Variants in SETD2 observed in about 807,000 individuals in gnomAD.
SETD2 encodes the protein histone-lysine N-methyltransferase SETD2.
A neutral mutation model predicts 242.1 loss-of-function variants in SETD2; 31 were observed. That is an observed-to-expected ratio of 0.13 (90% CI 0.10 to 0.17). SETD2 has a LOEUF of 0.17. Among genes scored for constraint, SETD2 ranks in the 10% least tolerant of loss-of-function variants. The pLI, the probability that SETD2 is intolerant of heterozygous loss-of-function variation, is 1.00. For synonymous variants in SETD2, 1,006 were observed against 1,066.5 expected (o/e 0.94, Z 1.11); for missense variants, 2,481 against 3,046.3 (o/e 0.81, Z 4.37).
At chr3:47,075,139 A>G (rs2107619265) in intron 12 of SETD2, among the ~76,000 whole-genome samples, 1 of 151,916 alleles carries the variant, frequency 6.6e-6, no homozygotes, top group East Asian at 1.9e-4. Flanking sequence ...GTCTCTTAAA[A>G]AAAAAAAAAA....
chr3:47,154,593 G>A (rs953810679), intron 1 of SETD2, among the ~76,000 whole-genome samples: 2 of 152,154 alleles, frequency 1.3e-5, no homozygotes, highest in Non-Finnish European at 2.9e-5. Flanking sequence ...ATTTGGAGAG[G>A]TGGAGCAGAG....
At chr3:47,086,350 T>G in intron 10 of SETD2, 36 bp from the exon 11 acceptor site, 1 of 1,603,362 alleles carries the variant, frequency 6.2e-7, no homozygotes, top group Non-Finnish European at 8.5e-7. Context: ...TGCAGAGCAT[T>G]GGGAGGCAAT....
intron 1 of SETD2, among the ~76,000 whole-genome samples, chr3:47,152,436 G>T (rs1258276210): frequency 2.0e-5 from 3 of 152,114 alleles, no homozygotes; most frequent in African/African-American, 7.2e-5. Context: ...CAGAATAAAT[G>T]GATTTCTATA....
At chr3:47,020,056 G>GT (rs1319799635) in intron 18 of SETD2, among the ~76,000 whole-genome samples, 1 of 152,052 alleles carries the variant, frequency 6.6e-6, no homozygotes, top group Non-Finnish European at 1.5e-5. Context: ...CTTCTTATAA[G>GT]TTAAGTTCCA....
intron 15 of SETD2, among the ~76,000 whole-genome samples, chr3:47,049,179 A>G (rs910138241): frequency 6.6e-6 from 1 of 151,154 alleles, no homozygotes; most frequent in African/African-American, 2.4e-5. Context: ...CTTGTGTTTG[A>G]GTGATTCTCC....
chr3:47,095,985 G>T (rs2041990659), intron 9 of SETD2, among the ~76,000 whole-genome samples: 2 of 151,656 alleles, frequency 1.3e-5, no homozygotes, highest in African/African-American at 4.8e-5. Context: ...TGCACTCCTG[G>T]GCTCAAGCTA....
chr3:47,017,513 G>T lies in SETD2; in HGVS notation c.7533+125C>A. On this transcript the variant is annotated intron_variant, in intron 20 of 20. Transcript: ENST00000409792. The surrounding 1 kb of genome is among the most constrained non-coding windows in gnomAD (Gnocchi z 4.8). ...CCCCAAACCTTCCCTCCCCGTTCCT[G>T]GGTCCCCAGCTCTGACATCTGACAA... The T allele has an allele frequency of 1.3e-6, 1 of 776,032 alleles. No homozygotes were observed. Among genetic ancestry groups the T allele is most frequent in the Admixed American group, 2.5e-5 (1 of 39,242 alleles). 48.1% of individuals were successfully genotyped at this position (776,032 alleles called of 1,614,324 possible).
At chr3:47,156,719 C>A (rs934561359) in intron 1 of SETD2, among the ~76,000 whole-genome samples, 1 of 152,236 alleles carries the variant, frequency 6.6e-6, no homozygotes, top group Middle Eastern at 3.4e-3. Flanking sequence ...TCTCTCTCAT[C>A]AGAAAAATGG....
At chr3:47,132,033 C>A (rs1310364128) in intron 1 of SETD2, among the ~76,000 whole-genome samples, 2 of 152,086 alleles carry the variant, frequency 1.3e-5, no homozygotes, top group Non-Finnish European at 2.9e-5. Flanking sequence ...ACCTCAGCCT[C>A]CCAAAGTGCT....
At position 47,094,433 on chromosome 3, in the gene SETD2, C is replaced by T. The variant is rs190391967; in HGVS notation, c.5142+3522G>A. 3.3e-5 allele frequency among the ~76,000 whole-genome samples: 5 copies of T among 152,364 alleles called. No homozygotes were observed. The East Asian group carries it at 9.6e-4, about 29-fold the overall frequency. On this transcript the variant is annotated intron_variant, in intron 9 of 20. Coordinates refer to ENST00000409792, the MANE Select transcript of SETD2 (RefSeq NM_014159.7). ...TGGATTATAGTGCAATCATTATTAACATCTTCTTGTCAACAGTTTATACAT... is the reference window on the plus strand; with the variant it reads ...TGGATTATAGTGCAATCATTATTAATATCTTCTTGTCAACAGTTTATACAT...
chr3:47,095,739 T>A (rs1319507744), intron 9 of SETD2, among the ~76,000 whole-genome samples: 13 of 140,910 alleles, frequency 9.2e-5, no homozygotes, highest in African/African-American at 3.4e-4. Context: ...AATATGTCAA[T>A]AAACTGTTAC....
chr3:47,163,830 G>T, intron 1 of SETD2, 24 bp downstream of exon 1: 1 of 1,269,122 alleles, frequency 7.9e-7, no homozygotes, highest in Non-Finnish European at 1.0e-6. Context: ...GACAGCAGCG[G>T]GGGGCCGCGG....
chr3:47,025,902 C>T (rs2038453954), intron 18 of SETD2, among the ~76,000 whole-genome samples: 1 of 152,194 alleles, frequency 6.6e-6, no homozygotes, highest in South Asian at 2.1e-4. Flanking sequence ...TGGGCAAAGA[C>T]TTCATGTCTA....
At chr3:47,039,725 A>C (rs557955784) in intron 17 of SETD2, among the ~76,000 whole-genome samples, 179 of 148,734 alleles carry the variant, frequency 1.2e-3, no homozygotes, top group African/African-American at 4.3e-3. Context: ...AAAAAAAAAA[A>C]AAAAAATTAG....
At chr3:47,063,982 C>T (rs879232711) in intron 13 of SETD2, among the ~76,000 whole-genome samples, 2 of 42,560 alleles carry the variant, frequency 4.7e-5, no homozygotes, top group Non-Finnish European at 9.1e-5. Flanking sequence ...GACTCCATCT[C>T]GGGAGGAAAA....
intron 15 of SETD2, among the ~76,000 whole-genome samples, chr3:47,055,710 A>T (rs1320507867): frequency 6.6e-6 from 1 of 151,312 alleles, no homozygotes; most frequent in Non-Finnish European, 1.5e-5. Context: ...AAAATAAAAA[A>T]TAAAAAAAAG....
rs557818823 is a variant in SETD2, at chr3:47,031,128, A to G, written c.7350+6538T>C. Among the ~76,000 whole-genome samples, 23 of 152,352 alleles carry G rather than the reference A, an allele frequency of 1.5e-4. No homozygotes were observed. In the East Asian group the frequency reaches 4.4e-3, roughly 29 times the overall value. On this transcript the variant is annotated intron_variant, in intron 18 of 20. Transcript: ENST00000409792. ...AGGCATGATGAGTAAGCAGCAGCTC[A>G]AATGATTTTTAGGGCAGTGAAACTA...
intron 18 of SETD2, among the ~76,000 whole-genome samples, chr3:47,029,967 C>T (rs138884871): frequency 0.013 from 1,996 of 151,926 alleles, 30 homozygotes; most frequent in South Asian, 0.062. Flanking sequence ...ACCAGCCTGG[C>T]CAACAGGGCA....
intron 1 of SETD2, among the ~76,000 whole-genome samples, chr3:47,144,434 C>T (rs960106223): frequency 2.0e-5 from 3 of 151,688 alleles, no homozygotes; most frequent in East Asian, 1.9e-4. Flanking sequence ...GTCAAGAGAG[C>T]GAGACCATCC....
Sources: gnomAD v4.1 joint callset for allele counts (sites outside exome capture counted in the v4.1 genomes callset) on GRCh38, gnomAD v4.1.1 for gene constraint, Gnocchi (gnomAD v3.1) non-coding constraint, MANE v1.5 for transcripts, NCBI Gene and HGNC (gene_info 2026-07-23, HGNC 2026-07-21) for gene names.